The following OPA1 variants were observed in gnomAD, a reference collection of about 807,000 sequenced individuals.
OPA1 encodes dynamin-like GTPase OPA1, mitochondrial.
OPA1 carries 59 observed loss-of-function variants against 152.9 expected under a neutral mutation model. The observed-to-expected ratio is 0.39, with a 90% confidence interval of 0.31 to 0.48. The LOEUF is 0.48. Ranked by LOEUF, OPA1 falls within the 20% of genes least tolerant of loss-of-function variation. OPA1 has a pLI of 0.96. For synonymous variants in OPA1, 400 were observed against 389.9 expected, an observed-to-expected ratio of 1.03 and a Z score of -0.31; for missense variants, 1,008 against 1,216.8, an observed-to-expected ratio of 0.83 and a Z score of 2.55.
intron 1 of OPA1, among the ~76,000 whole-genome samples, chr3:193,598,713 T>C (rs1371704288): frequency 1.3e-5 from 2 of 152,088 alleles, no homozygotes; most frequent in Admixed American, 6.6e-5. Flanking sequence ...GAAAGAAATA[T>C]CAGATTATTG....
Position 193,659,468 on chromosome 3 carries a change from A to AT in OPA1, c.2441-5dup, listed in dbSNP as rs762449817. Reference sequence around the variant, plus strand: ...AAGTGATAAAATTCTTGATTAATTAATTTTTTTTTCTAGCTGAAAATGCAA... The same window carrying AT: ...AAGTGATAAAATTCTTGATTAATTAATTTTTTTTTTCTAGCTGAAAATGCAA... On this transcript the variant is annotated splice_polypyrimidine_tract_variant and intron_variant, in intron 24 of 30. Transcript: ENST00000361510. 358 of 1,576,480 alleles carry AT rather than the reference A, an allele frequency of 2.3e-4. No homozygotes were observed. Among genetic ancestry groups the AT allele is most frequent in the Non-Finnish European group, 2.7e-4 (306 of 1,152,424 alleles).
intron 16 of OPA1, 94 bp downstream of exon 16, chr3:193,644,199 A>AC: frequency 1.4e-6 from 2 of 1,383,966 alleles, no homozygotes; most frequent in Admixed American, 1.7e-5. Context: ...AACAACAACA[A>AC]AAAAACACCT....
At chr3:193,600,810 C>T (rs139065731) in intron 1 of OPA1, among the ~76,000 whole-genome samples, 1 of 152,320 alleles carries the variant, frequency 6.6e-6, no homozygotes, top group African/African-American at 2.4e-5. Flanking sequence ...ACTTAGGATG[C>T]CTGCAAACCA....
intron 13 of OPA1, among the ~76,000 whole-genome samples, 157 bp downstream of exon 13, chr3:193,643,206 T>C (rs1012087801): frequency 6.6e-5 from 10 of 152,204 alleles, no homozygotes; most frequent in African/African-American, 2.4e-4. Flanking sequence ...TTGTGGGTAA[T>C]TTTCCAGAAT....
chr3:193,629,437 G>A (rs1191394116), intron 7 of OPA1, among the ~76,000 whole-genome samples: 6 of 151,788 alleles, frequency 4.0e-5, no homozygotes, highest in South Asian at 2.1e-4. Flanking sequence ...GGTGGCTCAC[G>A]CCTGTAATCC....
chr3:193,614,511 CT>C (rs1728719054), intron 1 of OPA1, among the ~76,000 whole-genome samples: 1 of 152,126 alleles, frequency 6.6e-6, no homozygotes, highest in African/African-American at 2.4e-5. Flanking sequence ...CTAGTACTTT[CT>C]ACATGGGATT....
At chr3:193,671,873 A>G (rs2109321123) in intron 29 of OPA1, among the ~76,000 whole-genome samples, 1 of 152,362 alleles carries the variant, frequency 6.6e-6, no homozygotes, top group East Asian at 1.9e-4. Context: ...ACGTTGAAAC[A>G]CTGAGTTACC....
chr3:193,620,955 CA>C (rs1729946480), intron 6 of OPA1, among the ~76,000 whole-genome samples: 1 of 152,180 alleles, frequency 6.6e-6, no homozygotes, highest in African/African-American at 2.4e-5. Context: ...ACTCTGACAT[CA>C]AGTTTGAAAA....
chr3:193,604,673 C>G (rs1726955246), intron 1 of OPA1, among the ~76,000 whole-genome samples: 1 of 151,764 alleles, frequency 6.6e-6, no homozygotes, highest in African/African-American at 2.4e-5. Context: ...ACAGCCTGAC[C>G]AACATGGAGA....
chr3:193,631,836 C>A (rs1732128513), intron 8 of OPA1, 171 bp downstream of exon 8: 2 of 649,436 alleles, frequency 3.1e-6, no homozygotes, highest in Non-Finnish European at 2.8e-6. Context: ...GGAATAAAGA[C>A]AGAACTAGAT....
chr3:193,690,876 C>A (rs914533142), intron 29 of OPA1, among the ~76,000 whole-genome samples: 1 of 152,066 alleles, frequency 6.6e-6, no homozygotes, highest in Non-Finnish European at 1.5e-5. Flanking sequence ...GTTAAATTAC[C>A]TTAAAAGAAC....
chr3:193,660,651 T>C (rs951105180), intron 25 of OPA1, among the ~76,000 whole-genome samples: 1 of 152,208 alleles, frequency 6.6e-6, no homozygotes, highest in Non-Finnish European at 1.5e-5. Context: ...GTCTCAACTT[T>C]CCTCAAAATA....
chr3:193,691,200 G>A (rs1295605952), intron 29 of OPA1, among the ~76,000 whole-genome samples: 9 of 152,204 alleles, frequency 5.9e-5, no homozygotes, highest in African/African-American at 1.4e-4. Context: ...CAACCTGGGC[G>A]ACAGAGTAGG....
At chr3:193,679,700 A>G (rs868608599) in intron 29 of OPA1, among the ~76,000 whole-genome samples, 5 of 152,130 alleles carry the variant, frequency 3.3e-5, no homozygotes, top group Non-Finnish European at 5.9e-5. Flanking sequence ...CTTCTTTTTT[A>G]TGTGATTTTT....
At chr3:193,639,518 G>T (rs1251941977) in intron 11 of OPA1, among the ~76,000 whole-genome samples, 2 of 152,212 alleles carry the variant, frequency 1.3e-5, no homozygotes, top group African/African-American at 2.4e-5. Context: ...TTGTGTGGCT[G>T]TCATGTTCAA....
At chr3:193,604,478 A>T (rs987214856) in intron 1 of OPA1, among the ~76,000 whole-genome samples, 1 of 152,184 alleles carries the variant, frequency 6.6e-6, no homozygotes, top group African/African-American at 2.4e-5. Flanking sequence ...GGTCGAGGAA[A>T]ACTTTAAATA....
At chr3:193,600,228 C>T (rs1490144730) in intron 1 of OPA1, among the ~76,000 whole-genome samples, 1 of 152,224 alleles carries the variant, frequency 6.6e-6, no homozygotes, top group African/African-American at 2.4e-5. Context: ...GTTGACACCA[C>T]TCTCTGTCAC....
At chr3:193,684,930 T>C (rs953608492) in intron 29 of OPA1, among the ~76,000 whole-genome samples, 5 of 152,106 alleles carry the variant, frequency 3.3e-5, no homozygotes, top group African/African-American at 9.7e-5. Context: ...TAGAAAGTAT[T>C]TGAAGCGGTT....
At chr3:193,610,063 G>C (rs1310172055) in intron 1 of OPA1, among the ~76,000 whole-genome samples, 1 of 152,198 alleles carries the variant, frequency 6.6e-6, no homozygotes, top group African/African-American at 2.4e-5. Flanking sequence ...GTCCAGCTTT[G>C]TTCCGTTGCT....
Sources: allele counts gnomAD v4.1 joint callset (sites outside exome capture counted in the v4.1 genomes callset), GRCh38; gene constraint gnomAD v4.1.1; transcripts MANE v1.5; gene names NCBI Gene and HGNC (gene_info 2026-07-23, HGNC 2026-07-21).